CPSF1: variants seen among roughly 807,000 people sequenced by gnomAD.
CPSF1 encodes the protein cleavage and polyadenylation specificity factor subunit 1.
Under a neutral mutation model 175.8 loss-of-function variants are expected in CPSF1, and 106 were observed. That is an observed-to-expected ratio of 0.60 (90% CI 0.52 to 0.71). The LOEUF (loss-of-function observed/expected upper bound fraction) is 0.71, where lower values mean the gene tolerates loss of function less well. CPSF1 is among the 30% of genes least tolerant of loss of function. The pLI is 0.00. For synonymous variants in CPSF1, 1,024 were observed against 858.3 expected (o/e 1.19, Z -3.37); for missense variants, 1,734 against 2,022.9 (o/e 0.86, Z 2.74).
In CPSF1 at chr8:144,396,580, G is replaced by T; in HGVS notation, c.2826+18C>A. ...CGTCTCCCTTCTACCACAGACCCCT[G>T]CAAAGGCGCTGGCCTACCCCTGAGT... On this transcript the variant is annotated intron_variant, in intron 25 of 37. Coordinates refer to ENST00000616140, the MANE Select transcript of CPSF1 (RefSeq NM_013291.3). 1 of 1,610,858 alleles carries T rather than the reference G, an allele frequency of 6.2e-7. No individual in the cohort carries two copies.
In CPSF1 at chr8:144,398,789, C is replaced by T. The variant is rs2116854914; in HGVS notation, c.1628G>A (p.Arg543His). Residue 543 changes from arginine to histidine, a missense_variant, in exon 17 of 38, where the codon CGT becomes CAT. Transcript: ENST00000616140. ...YDMWTVIAPV[R>H]KEEEDNPKGE... ...CAGGCTCGCACCTACCTCCTCCTTA[C>T]GCACCGGGGCGATGACTGTCCACAT... is the stretch of plus-strand genomic sequence containing the variant. 29 of 1,598,416 alleles carry T rather than the reference C, an allele frequency of 1.8e-5. No homozygotes were observed. Among genetic ancestry groups the T allele is most frequent in the South Asian group, 4.5e-5 (4 of 89,370 alleles).
At chr8:144,404,911 G>C (rs1554868590) in intron 2 of CPSF1, among the ~76,000 whole-genome samples, 1 of 151,742 alleles carries the variant, frequency 6.6e-6, no homozygotes, top group African/African-American at 2.4e-5. Context: ...AAAAACATTA[G>C]TCGGGCGCCT....
intron 30 of CPSF1, 26 bp downstream of exon 30, chr8:144,394,856 C>A (rs1554863040): frequency 1.2e-6 from 2 of 1,611,576 alleles, no homozygotes; most frequent in African/African-American, 2.7e-5. Context: ...GCTGCCAGTT[C>A]CCGCCCCCGC....
In CPSF1 at chr8:144,409,282, C is replaced by T. The variant is rs1821669343; in HGVS notation, c.-15+7G>A. The T allele has an allele frequency of 3.3e-6, 3 of 921,290 alleles. No homozygotes were observed. Among genetic ancestry groups the T allele is most frequent in the East Asian group, 7.8e-5 (2 of 25,516 alleles). The allele number at this position is 921,290 out of a possible 1,614,324, so 57.1% of individuals were successfully genotyped here. ...CTGCCGCCTCGGCCGCCCGCCCGGC[C>T]GCCCACCTGGCAGTTGGAGCCGACT... On this transcript the variant is annotated splice_region_variant and intron_variant, in intron 1 of 37. Coordinates refer to ENST00000616140, the MANE Select transcript of CPSF1 (RefSeq NM_013291.3).
Position 144,398,769 on chromosome 8 carries a change from T to A in CPSF1, c.1638+10A>T. On this transcript the variant is annotated intron_variant, in intron 17 of 37. Coordinates refer to ENST00000616140, the MANE Select transcript of CPSF1 (RefSeq NM_013291.3). ...ATCCCAGGGCCTCCCTGCAGCAGGC[T>A]CGCACCTACCTCCTCCTTACGCACC... 1 of 1,592,770 alleles carries A rather than the reference T, an allele frequency of 6.3e-7. No individual in the cohort carries two copies. Among genetic ancestry groups the A allele is most frequent in the Non-Finnish European group, 8.6e-7 (1 of 1,166,284 alleles).
At chr8:144,402,299 T>TTTTTTG in intron 2 of CPSF1, among the ~76,000 whole-genome samples, 1 of 152,302 alleles carries the variant, frequency 6.6e-6, no homozygotes, top group East Asian at 1.9e-4. Context: ...TTGTTTTGTT[T>TTTTTTG]TTTTTTGTTT....
Position 144,395,154 on chromosome 8 carries a change from C to A in CPSF1, c.3216G>T (p.Glu1072Asp). 1 of 1,612,678 alleles carries A rather than the reference C, an allele frequency of 6.2e-7. No individual in the cohort carries two copies. The highest frequency in any genetic ancestry group is 8.5e-7 in the Non-Finnish European group (1 of 1,179,604). ...RDERYIHPQQEAFSIQLISPV... is the reference protein window; with the variant it reads ...RDERYIHPQQDAFSIQLISPV... Reference sequence around the variant, plus strand: ...GGGAGATGAGCTGGATGGAGAAGGCCTCCTGCTGGGGGTGGATGTACCGCT... The same window carrying A: ...GGGAGATGAGCTGGATGGAGAAGGCATCCTGCTGGGGGTGGATGTACCGCT... Residue 1072 changes from glutamate to aspartate, a missense_variant, in exon 29 of 38, where the codon GAG becomes GAT. Transcript: ENST00000616140.
At chr8:144,398,496 G>GGTCCCAA (rs1820939900) in intron 18 of CPSF1, 29 bp downstream of exon 18, 1 of 1,611,240 alleles carries the variant, frequency 6.2e-7, no homozygotes, top group Non-Finnish European at 8.5e-7. Context: ...CCCAGCCCCA[G>GGTCCCAA]GTCCCAGGTC....
rs551637559 is a variant in CPSF1 at position 144,395,799 on chromosome 8, A to G, written c.2980-248T>C. ...CCACAGGGGATGGGAAAGCTAGGCC[A>G]GGAGGGCACTGGAGGCTGCAAAGGG... On this transcript the variant is annotated intron_variant, in intron 26 of 37. Coordinates refer to ENST00000616140, the MANE Select transcript of CPSF1 (RefSeq NM_013291.3). The G allele has an allele frequency of 2.2e-4, 130 of 580,346 alleles. No homozygotes were observed. In the African/African-American group the frequency reaches 2.3e-3, roughly 10 times the overall value. The allele number at this position is 580,346 out of a possible 1,614,324, so 35.9% of individuals were successfully genotyped here. A position where few individuals can be genotyped will look rare whatever the true frequency, so the allele number is the denominator to read the frequency against.
chr8:144,393,402 G>A (rs1554861983), intron 37 of CPSF1, 37 bp from the exon 38 acceptor site: 4 of 1,330,096 alleles, frequency 3.0e-6, no homozygotes, highest in African/African-American at 1.5e-5. Flanking sequence ...TGGGTGGGTG[G>A]GGATGCACAC....
intron 2 of CPSF1, among the ~76,000 whole-genome samples, chr8:144,403,597 G>A (rs1308143131): frequency 2.6e-5 from 4 of 151,794 alleles, no homozygotes; most frequent in Non-Finnish European, 4.4e-5. Context: ...CTGTCACCCA[G>A]GCTGGAGGGC....
In CPSF1 at chr8:144,399,047, G is replaced by A; in HGVS notation, c.1468-9C>T. The A allele has an allele frequency of 6.3e-7, 1 of 1,579,584 alleles. No individual in the cohort carries two copies. Among genetic ancestry groups the A allele is most frequent in the Non-Finnish European group, 8.6e-7 (1 of 1,163,250 alleles). On this transcript the variant is annotated splice_polypyrimidine_tract_variant and intron_variant, in intron 15 of 37. Coordinates refer to ENST00000616140, the MANE Select transcript of CPSF1 (RefSeq NM_013291.3). This position sits in a 1 kb window ranked among gnomAD's most constrained non-coding sequence, Gnocchi z 6.4. ...TCGGGGCTGTTCTGAAACTGCACAG[G>A]ACTCGGGGGTGAGGACTATGCCCCC...
At position 144,398,781 on chromosome 8, in the gene CPSF1, C is replaced by T; in HGVS notation, c.1636G>A (p.Glu546Lys). The change falls in exon 17 of 38, where the codon GAG (glutamate) becomes AAG (lysine). Residue 546 changes from glutamate to lysine, a missense_variant and splice_region_variant. By Grantham distance (56) the Glu-to-Lys change is moderately conservative. Around this residue, in one of 10 missense-constraint regions of CPSF1, gnomAD observed 280 missense variants for 349.2 expected, o/e 0.80. Transcript: ENST00000616140. Reference protein sequence around the residue: ...WTVIAPVRKEEEDNPKGEGTE... With the variant: ...WTVIAPVRKEKEDNPKGEGTE... Reference sequence around the variant, plus strand: ...CCCTGCAGCAGGCTCGCACCTACCTCCTCCTTACGCACCGGGGCGATGACT... The same window carrying T: ...CCCTGCAGCAGGCTCGCACCTACCTTCTCCTTACGCACCGGGGCGATGACT... 6.3e-7 allele frequency: 1 copy of T among 1,597,004 alleles called. No homozygotes were observed. The highest frequency in any genetic ancestry group is 8.6e-7 in the Non-Finnish European group (1 of 1,169,002).
At chr8:144,402,925 G>A (rs1821297912) in intron 2 of CPSF1, among the ~76,000 whole-genome samples, 1 of 152,106 alleles carries the variant, frequency 6.6e-6, no homozygotes, top group Admixed American at 6.5e-5. Context: ...AACACAACTG[G>A]GTTGAGTTAT....
chr8:144,395,399 C>T (rs1554863372), intron 27 of CPSF1, 36 bp downstream of exon 27: 1 of 1,610,130 alleles, frequency 6.2e-7, no homozygotes, highest in African/African-American at 1.3e-5. Flanking sequence ...CGGCCAGGCC[C>T]AGAAGGTCCC....
At chr8:144,406,730 GCACAAC>G (rs1821515817) in intron 2 of CPSF1, among the ~76,000 whole-genome samples, 3 of 152,204 alleles carry the variant, frequency 2.0e-5, no homozygotes, top group Non-Finnish European at 4.4e-5. Context: ...GTCCAAGGCA[GCACAAC>G]GCTTCCTGCT....
chr8:144,400,914 T>C lies in CPSF1; in HGVS notation c.539+10A>G. The C allele has an allele frequency of 6.2e-7, 1 of 1,603,044 alleles. No individual in the cohort carries two copies. The highest frequency in any genetic ancestry group is 1.3e-5 in the African/African-American group (1 of 74,938). ...CCCCAGCACCACAGCCTGCCTCAGCTGGCACTCACCCCTCACCCACGAGCC... is the reference window on the plus strand; with the variant it reads ...CCCCAGCACCACAGCCTGCCTCAGCCGGCACTCACCCCTCACCCACGAGCC... On this transcript the variant is annotated intron_variant, in intron 6 of 37. Transcript: ENST00000616140.
Position 144,398,645 on chromosome 8 carries a change from G to A in CPSF1, c.1639-7C>T, listed in dbSNP as rs2116853175. 99 of 1,613,326 alleles carry A rather than the reference G, an allele frequency of 6.1e-5. No individual in the cohort carries two copies. In the Admixed American group the frequency reaches 1.1e-3, roughly 18 times the overall value. ...CCCCCTTGGGATTGTCCTCCTGTCA[G>A]GGCCAAAGGGGGGCAGGCTGGAAGC... On this transcript the variant is annotated splice_region_variant and splice_polypyrimidine_tract_variant and intron_variant, in intron 17 of 37. Coordinates refer to ENST00000616140, the MANE Select transcript of CPSF1 (RefSeq NM_013291.3).
At chr8:144,403,049 T>TA (rs2116893302) in intron 2 of CPSF1, among the ~76,000 whole-genome samples, 37 of 152,100 alleles carry the variant, frequency 2.4e-4, no homozygotes, top group Non-Finnish European at 4.9e-4. Flanking sequence ...AAGCATCTGA[T>TA]AAAGGCATTC....
Sources: gnomAD v4.1 joint callset for allele counts (sites outside exome capture counted in the v4.1 genomes callset) on GRCh38, gnomAD v4.1.1 for gene constraint, gnomAD v4.1.1 regional missense constraint, Gnocchi (gnomAD v3.1) non-coding constraint, MANE v1.5 for transcripts, NCBI Gene and HGNC (gene_info 2026-07-23, HGNC 2026-07-21) for gene names.